ST7L: variants seen among roughly 807,000 people sequenced by gnomAD.
ST7L encodes suppressor of tumorigenicity 7 protein-like.
A neutral mutation model predicts 72.5 loss-of-function variants in ST7L; 57 were observed. The ratio of observed to expected loss-of-function variants is 0.79; its 90% CI spans 0.64 to 0.98. The LOEUF (loss-of-function observed/expected upper bound fraction) is 0.98, where lower values mean the gene tolerates loss of function less well. Ranked by LOEUF, ST7L falls within the 50% of genes least tolerant of loss-of-function variation. ST7L has a pLI of 0.00. For synonymous variants in ST7L, 221 were observed against 240.9 expected (o/e 0.92, Z 0.77); for missense variants, 576 against 672.2 (o/e 0.86, Z 1.58).
intron 14 of ST7L, among the ~76,000 whole-genome samples, chr1:112,538,779 C>T (rs1370928685): frequency 1.3e-5 from 2 of 152,196 alleles, no homozygotes; most frequent in Non-Finnish European, 2.9e-5. Flanking sequence ...CACTATTGCA[C>T]TTTGGTGATG....
At chr1:112,540,043 G>A in intron 14 of ST7L, 1 of 985,370 alleles carries the variant, frequency 1.0e-6, no homozygotes, top group African/African-American at 1.7e-5. Context: ...GGAGTGCTAA[G>A]GAACTTATGC....
At chr1:112,528,923 C>T (rs1423611169) in intron 14 of ST7L, 1 of 152,098 alleles carries the variant, frequency 6.6e-6, no homozygotes, top group Non-Finnish European at 1.5e-5. Context: ...AAGTAGCAGC[C>T]AAAGAAGGAG....
chr1:112,561,888 G>T (rs1204592872), intron 11 of ST7L, among the ~76,000 whole-genome samples: 1 of 150,918 alleles, frequency 6.6e-6, no homozygotes, highest in Non-Finnish European at 1.5e-5. Flanking sequence ...GTAAAAAAAT[G>T]GTATTATTAA....
intron 9 of ST7L, among the ~76,000 whole-genome samples, chr1:112,579,237 A>C (rs934015329): frequency 7.2e-5 from 11 of 151,786 alleles, no homozygotes; most frequent in Non-Finnish European, 1.3e-4. Context: ...ACAAAAAATT[A>C]GCCGGGTGTG....
intron 11 of ST7L, among the ~76,000 whole-genome samples, chr1:112,574,672 A>G (rs1362507633): frequency 6.6e-6 from 1 of 152,076 alleles, no homozygotes; most frequent in Non-Finnish European, 1.5e-5. Flanking sequence ...AAAAAAAGAA[A>G]AAAAATCCAT....
intron 2 of ST7L, among the ~76,000 whole-genome samples, chr1:112,611,923 T>C (rs963202835): frequency 2.1e-5 from 3 of 141,928 alleles, no homozygotes; most frequent in Non-Finnish European, 3.0e-5. Flanking sequence ...TGAGCTGAGA[T>C]TGCACCACTG....
chr1:112,577,882 T>C (rs1381632068), intron 10 of ST7L, among the ~76,000 whole-genome samples: 1 of 152,020 alleles, frequency 6.6e-6, no homozygotes, highest in Non-Finnish European at 1.5e-5. Flanking sequence ...TCACTAAGAG[T>C]AGCCAAAAAT....
At chr1:112,614,421 T>C (rs1035951009) in intron 2 of ST7L, among the ~76,000 whole-genome samples, 2 of 152,206 alleles carry the variant, frequency 1.3e-5, no homozygotes, top group African/African-American at 4.8e-5. Flanking sequence ...TTTTGTATGC[T>C]ATGGACTAAA....
chr1:112,600,660 T>C (rs1170227471), intron 4 of ST7L, 134 bp downstream of exon 4: 19 of 754,260 alleles, frequency 2.5e-5, no homozygotes, highest in Non-Finnish European at 2.0e-5. Context: ...AACTGTGGAC[T>C]AATCATTTTA....
At chr1:112,541,283 G>GA (rs763363532) in intron 14 of ST7L, among the ~76,000 whole-genome samples, 220 of 131,368 alleles carry the variant, frequency 1.7e-3, no homozygotes, top group Admixed American at 1.7e-3. Flanking sequence ...CCTTGTCTCA[G>GA]AAAAAAAAAA....
chr1:112,612,607 G>C (rs1421403877), intron 2 of ST7L, among the ~76,000 whole-genome samples: 1 of 152,026 alleles, frequency 6.6e-6, no homozygotes, highest in Non-Finnish European at 1.5e-5. Context: ...GAAAATCATG[G>C]TGCAGCATTT....
rs1412566908 is a variant in ST7L, at chr1:112,573,938, G to A, written c.1245+3048C>T. Among the ~76,000 whole-genome samples, 15 of 124,990 alleles carry A rather than the reference G, an allele frequency of 1.2e-4. No homozygotes were observed. In the East Asian group the frequency reaches 2.3e-3, roughly 19 times the overall value. 82.0% of individuals were successfully genotyped at this position (124,990 alleles called of 152,430 possible). Reference sequence around the variant, plus strand: ...TTTTTTTTTTTTTTTTTTTTGAGACGGAGTCTCACTCTGTAGCCCAAGCTG... The same window carrying A: ...TTTTTTTTTTTTTTTTTTTTGAGACAGAGTCTCACTCTGTAGCCCAAGCTG... On this transcript the variant is annotated intron_variant, in intron 11 of 14. Coordinates refer to ENST00000358039, the MANE Select transcript of ST7L (RefSeq NM_017744.5).
chr1:112,578,397 C>T lies in ST7L; in HGVS notation c.1090G>A (p.Ala364Thr), dbSNP rs759761739. The change falls in exon 10 of 15, where the codon GCA becomes ACA. Residue 364 changes from alanine to threonine, a missense_variant. Ala to Thr is a moderately conservative substitution (Grantham distance 58). This residue lies in a region of ST7L where 511 missense variants were observed against 600.7 expected (regional missense o/e 0.85). Transcript: ENST00000358039. ...AGTGCTGCTGTGTAACAGATTGCTG[C>T]TGACTTTGGAAGGCTTATATCTGTA... ...KYDDISLPKS[A>T]AICYTAALLK... The T allele has an allele frequency of 1.2e-6, 2 of 1,614,132 alleles. No individual in the cohort carries two copies. The highest frequency in any genetic ancestry group is 2.2e-5 in the East Asian group (1 of 44,868).
At chr1:112,546,602 G>C (rs576633181) in intron 13 of ST7L, among the ~76,000 whole-genome samples, 1 of 152,288 alleles carries the variant, frequency 6.6e-6, no homozygotes, top group South Asian at 2.1e-4. Context: ...AGCAGCCAGG[G>C]ACAGAGAGAT....
rs555033586 is a variant in ST7L at position 112,545,547 on chromosome 1, T to C, written c.1490-3457A>G. On this transcript the variant is annotated intron_variant, in intron 13 of 14. Transcript: ENST00000358039. ...ACAAGAACTACCACCACCACCTCTT[T>C]AGAAAGGAAAATAAAATTTCTCTCA... 4.6e-5 allele frequency among the ~76,000 whole-genome samples: 7 copies of C among 152,308 alleles called. No individual in the cohort carries two copies. In the South Asian group the frequency reaches 1.5e-3, roughly 32 times the overall value.
intron 3 of ST7L, among the ~76,000 whole-genome samples, chr1:112,605,139 C>CCCAG (rs909900316): frequency 1.3e-5 from 2 of 149,464 alleles, no homozygotes; most frequent in Non-Finnish European, 3.0e-5. Context: ...CACCTATAAT[C>CCCAG]CCAGCACTTT....
intron 14 of ST7L, chr1:112,539,372 C>T (rs115647303): frequency 2.2e-4 from 33 of 152,280 alleles, no homozygotes; most frequent in African/African-American, 7.5e-4. Context: ...AAGCTGGAAA[C>T]TGGCCGGGTG....
intron 11 of ST7L, among the ~76,000 whole-genome samples, chr1:112,566,263 GA>G (rs1660999514): frequency 6.7e-6 from 1 of 149,214 alleles, no homozygotes; most frequent in Admixed American, 6.7e-5. Context: ...CCCAAATCAA[GA>G]CATATTTTCT....
intron 11 of ST7L, among the ~76,000 whole-genome samples, chr1:112,561,828 A>G (rs943357131): frequency 2.0e-5 from 3 of 152,110 alleles, no homozygotes; most frequent in Non-Finnish European, 4.4e-5. Flanking sequence ...GAGTTATTTC[A>G]TAATATAGTA....
Sources: allele counts gnomAD v4.1 joint callset (sites outside exome capture counted in the v4.1 genomes callset), GRCh38; gene constraint gnomAD v4.1.1; regional missense constraint gnomAD v4.1.1; transcripts MANE v1.5; gene names NCBI Gene and HGNC (gene_info 2026-07-23, HGNC 2026-07-21).